RPS24: variants seen among roughly 807,000 people sequenced by gnomAD.
The protein encoded by RPS24 is ribosomal protein S24.
For missense variants in RPS24, 100 were observed against 162.5 expected (o/e 0.62, Z 2.09); for synonymous variants, 72 against 55.6 (o/e 1.30, Z -1.31).
chr10:78,055,685 C>G (rs1478572455), exon 5 of RPS24: 1 of 152,206 alleles, frequency 6.6e-6, no homozygotes, highest in African/African-American at 2.4e-5. Flanking sequence ...TGTGGGGAAA[C>G]TGAGGTACAC....
intron 1 of RPS24, 148 bp downstream of exon 1, chr10:78,034,052 G>A: frequency 9.6e-7 from 1 of 1,042,622 alleles, no homozygotes. Flanking sequence ...AGGGGCTCGG[G>A]GCTGTTGGCA....
At chr10:78,044,033 A>G (rs1378908427), downstream of RPS24, among the ~76,000 whole-genome samples, 3 of 148,392 alleles carry the variant, frequency 2.0e-5, no homozygotes, top group Admixed American at 2.0e-4. Flanking sequence ...AGAGGAAAAG[A>G]GTTCATGCAG....
chr10:78,036,729 A>G (rs1371391092), intron 3 of RPS24, among the ~76,000 whole-genome samples: 3 of 152,194 alleles, frequency 2.0e-5, no homozygotes, highest in Non-Finnish European at 4.4e-5. Context: ...ACAGTCTTGT[A>G]GGCCCCAGGA....
downstream of RPS24, among the ~76,000 whole-genome samples, chr10:78,041,770 C>A (rs1847988456): frequency 6.6e-6 from 1 of 151,942 alleles, no homozygotes; most frequent in Non-Finnish European, 1.5e-5. Flanking sequence ...GGGGTGGTTG[C>A]TAAGTTGATG....
At chr10:78,045,917 G>A (rs1340430188) in intron 4 of RPS24, among the ~76,000 whole-genome samples, 1 of 151,952 alleles carries the variant, frequency 6.6e-6, no homozygotes, top group Non-Finnish European at 1.5e-5. Context: ...CACGAGAATT[G>A]CTTGAACCCA....
At chr10:78,051,164 T>C (rs146860580) in intron 4 of RPS24, among the ~76,000 whole-genome samples, 6,880 of 152,254 alleles carry the variant, frequency 0.045, 333 homozygotes, top group East Asian at 0.23. Context: ...CACTCCAGCC[T>C]GGGCAACAGA....
At chr10:78,049,512 G>T (rs1848078731) in intron 4 of RPS24, among the ~76,000 whole-genome samples, 1 of 152,190 alleles carries the variant, frequency 6.6e-6, no homozygotes, top group Admixed American at 6.5e-5. Flanking sequence ...GGAGCCTTCA[G>T]GGTTGGTGGA....
chr10:78,043,720 C>T (rs146035310), downstream of RPS24, among the ~76,000 whole-genome samples: 439 of 152,334 alleles, frequency 2.9e-3, 1 homozygote, highest in African/African-American at 9.7e-3. Flanking sequence ...TAGTGTATGA[C>T]TGTGACGTGA....
chr10:78,035,873 G>T, intron 3 of RPS24, 153 bp downstream of exon 3: 1 of 693,740 alleles, frequency 1.4e-6, no homozygotes, highest in South Asian at 1.6e-5. Context: ...ATGCACAGGT[G>T]GAGTACGGGG....
intron 1 of RPS24, among the ~76,000 whole-genome samples, chr10:78,034,813 C>G (rs1260295769): frequency 6.6e-6 from 1 of 152,178 alleles, no homozygotes. Context: ...TTGTGCAAGA[C>G]ATGATAAACA....
At chr10:78,039,123 C>T (rs886262052) in intron 4 of RPS24, 1 of 152,188 alleles carries the variant, frequency 6.6e-6, no homozygotes, top group Non-Finnish European at 1.5e-5. Flanking sequence ...GGACTGTAAT[C>T]ACATTGATGT....
chr10:78,035,490 A>G, intron 2 of RPS24, 21 bp from the exon 3 acceptor site: 1 of 1,613,568 alleles, frequency 6.2e-7, no homozygotes, highest in Non-Finnish European at 8.5e-7. Flanking sequence ...ACTGAATGCT[A>G]AACTTGATAT....
At chr10:78,043,501 A>G (rs919654729), downstream of RPS24, among the ~76,000 whole-genome samples, 4 of 152,318 alleles carry the variant, frequency 2.6e-5, no homozygotes, top group East Asian at 7.7e-4. Flanking sequence ...ATAATGGTAT[A>G]TAAAACTCAT....
chr10:78,042,422 G>C (rs536771619), downstream of RPS24, among the ~76,000 whole-genome samples: 16 of 152,276 alleles, frequency 1.1e-4, no homozygotes, highest in African/African-American at 3.9e-4. Flanking sequence ...GGCTCACAAG[G>C]CTATTTTGAG....
downstream of RPS24, among the ~76,000 whole-genome samples, chr10:78,041,067 C>T (rs547539939): frequency 7.9e-5 from 12 of 151,870 alleles, no homozygotes; most frequent in South Asian, 1.5e-3. Flanking sequence ...TGATTGAACT[C>T]GGGCTCAAGC....
chr10:78,048,605 C>T (rs910985701), intron 4 of RPS24, among the ~76,000 whole-genome samples: 7 of 152,066 alleles, frequency 4.6e-5, no homozygotes, highest in Admixed American at 3.9e-4. Flanking sequence ...AACCCAGCCG[C>T]GTGCGGTGGC....
chr10:78,050,374 AG>A (rs1235574683), intron 4 of RPS24, among the ~76,000 whole-genome samples: 2 of 152,176 alleles, frequency 1.3e-5, no homozygotes, highest in Non-Finnish European at 2.9e-5. Flanking sequence ...CCTGCTGGGA[AG>A]GTTTGAGGGC....
intron 4 of RPS24, chr10:78,037,986 C>A: frequency 7.8e-7 from 1 of 1,276,356 alleles, no homozygotes; most frequent in Non-Finnish European, 1.0e-6. Flanking sequence ...CTAGCAGGTA[C>A]TGAGATTGTA....
Position 78,034,130 on chromosome 10 carries a change from C to T in RPS24, c.3+226C>T, listed in dbSNP as rs1185796970. ...TGGGCTTCGGGCTCCAGCGCCTGGG[C>T]AGTGCAGGAGCTGTTGCGCTTGTTG... On this transcript the variant is annotated intron_variant, in intron 1 of 5. Transcript: ENST00000372360. 6 of 517,786 alleles carry T rather than the reference C, an allele frequency of 1.2e-5. No individual in the cohort carries two copies. In the Admixed American group the frequency reaches 1.8e-4, roughly 16 times the overall value. 32.1% of individuals were successfully genotyped at this position (517,786 alleles called of 1,614,324 possible). A position where few individuals can be genotyped will look rare whatever the true frequency, so the allele number is the denominator to read the frequency against.
Sources: gnomAD v4.1 joint callset for allele counts (sites outside exome capture counted in the v4.1 genomes callset) on GRCh38, gnomAD v4.1.1 for gene constraint, MANE v1.5 for transcripts, NCBI Gene and HGNC (gene_info 2026-07-23, HGNC 2026-07-21) for gene names.